WDR26: variants seen among roughly 807,000 people sequenced by gnomAD.
WDR26 encodes the protein WD repeat domain 26.
A neutral mutation model predicts 84.1 loss-of-function variants in WDR26; 5 were observed. The observed-to-expected ratio is 0.06, with a 90% CI of 0.03 to 0.13. WDR26 has a LOEUF of 0.13. Ranked by LOEUF, WDR26 falls within the 10% of genes least tolerant of loss-of-function variation. The pLI, the probability that WDR26 is intolerant of heterozygous loss-of-function variation, is 1.00. For missense variants in WDR26, 642 were observed against 974.9 expected, an observed-to-expected ratio of 0.66 and a Z score of 4.55; for synonymous variants, 415 against 389.6, an observed-to-expected ratio of 1.07 and a Z score of -0.77.
At chr1:224,407,172 A>ATATATATATATATATG (rs1491214480) in intron 7 of WDR26, among the ~76,000 whole-genome samples, 1 of 111,980 alleles carries the variant, frequency 8.9e-6, no homozygotes, top group African/African-American at 3.7e-5. Context: ...ATATATATAT[A>ATATATATATATATATG]ACTCAAAAAC....
chr1:224,430,335 A>C (rs1674356239), intron 3 of WDR26: 1 of 152,170 alleles, frequency 6.6e-6, no homozygotes, highest in Admixed American at 6.5e-5. Context: ...TTAATATTTT[A>C]AGTATTTAAT....
At position 224,386,674 on chromosome 1, in the gene WDR26, T is replaced by A. The variant is rs1009409524; in HGVS notation, c.*3161A>T. 2 of 152,360 alleles carry A rather than the reference T, an allele frequency of 1.3e-5. No individual in the cohort carries two copies. The highest frequency in any genetic ancestry group is 4.8e-5 in the African/African-American group (2 of 41,460). 9.4% of individuals were successfully genotyped at this position (152,360 alleles called of 1,614,324 possible). A position where few individuals can be genotyped will look rare whatever the true frequency, so the allele number is the denominator to read the frequency against. On this transcript the variant is annotated 3_prime_UTR_variant, in exon 14 of 14. Coordinates refer to ENST00000414423, the MANE Select transcript of WDR26 (RefSeq NM_001379403.1). The stretch of plus-strand genomic sequence containing the variant: ...CTGACAAAATTGGATTTTTTTCTCC[T>A]TTCAATTGCAGGATATTCTGATTAT...
intron 1 of WDR26, among the ~76,000 whole-genome samples, chr1:224,432,948 T>G (rs1028831710): frequency 6.6e-6 from 1 of 152,250 alleles, no homozygotes; most frequent in Non-Finnish European, 1.5e-5. Flanking sequence ...ACCTAAATTG[T>G]ATTTGAAAAC....
At chr1:224,400,290 G>GT (rs5781365) in intron 9 of WDR26, among the ~76,000 whole-genome samples, 141,990 of 146,688 alleles carry the variant, frequency 0.97, 68,807 homozygotes, top group East Asian at 1. Context: ...AAAATTCAGT[G>GT]TTTTTTTTTT....
chr1:224,400,079 T>C (rs2102892915), intron 9 of WDR26, among the ~76,000 whole-genome samples: 1 of 152,342 alleles, frequency 6.6e-6, no homozygotes, highest in Admixed American at 6.5e-5. Context: ...GAAAGTTTTA[T>C]GGCAAGGTAA....
intron 6 of WDR26, among the ~76,000 whole-genome samples, chr1:224,414,112 T>C (rs553298996): frequency 3.1e-4 from 46 of 150,572 alleles, no homozygotes; most frequent in African/African-American, 1.1e-3. Flanking sequence ...ACGCCCGGCC[T>C]GTTTTTTTTT....
At chr1:224,420,533 ACGACCTG>A (rs1444915966) in intron 4 of WDR26, among the ~76,000 whole-genome samples, 2 of 152,200 alleles carry the variant, frequency 1.3e-5, no homozygotes, top group Non-Finnish European at 2.9e-5. Context: ...TACTTAGTCT[ACGACCTG>A]CTATACCTCT....
chr1:224,392,694 T>C (rs1673160785), intron 13 of WDR26, among the ~76,000 whole-genome samples: 1 of 152,170 alleles, frequency 6.6e-6, no homozygotes, highest in Admixed American at 6.5e-5. Flanking sequence ...GTTCTCAAAC[T>C]TTTTGACTCG....
At position 224,389,357 on chromosome 1, in the gene WDR26, A is replaced by ATT. The variant is rs1673062756; in HGVS notation, c.*477_*478insAA. The ATT allele has an allele frequency of 3.9e-6, 1 of 257,956 alleles. No individual in the cohort carries two copies. The highest frequency in any genetic ancestry group is 7.2e-6 in the Non-Finnish European group (1 of 138,350). The allele number at this position is 257,956 out of a possible 1,614,324, so 16.0% of individuals were successfully genotyped here. A position where few individuals can be genotyped will look rare whatever the true frequency, so the allele number is the denominator to read the frequency against. Reference sequence around the variant, plus strand: ...AAAGATCTCAAGCTAAATAAGGCGGAAAGATTTGGAGAAACAAAAGAAGGA... The same window carrying ATT: ...AAAGATCTCAAGCTAAATAAGGCGGATTAAGATTTGGAGAAACAAAAGAAGGA... On this transcript the variant is annotated 3_prime_UTR_variant, in exon 14 of 14. Transcript: ENST00000414423.
chr1:224,425,843 T>C (rs922334128), intron 3 of WDR26, among the ~76,000 whole-genome samples: 1 of 152,160 alleles, frequency 6.6e-6, no homozygotes, highest in African/African-American at 2.4e-5. Flanking sequence ...GTACAATTTT[T>C]CTTCTTCGTA....
At chr1:224,403,662 C>T (rs762987552) in intron 8 of WDR26, among the ~76,000 whole-genome samples, 2 of 152,198 alleles carry the variant, frequency 1.3e-5, no homozygotes, top group African/African-American at 4.8e-5. Flanking sequence ...ATGGACCGGG[C>T]ACGGTGGCTC....
Position 224,387,791 on chromosome 1 carries a change from A to C in WDR26, c.*2044T>G, listed in dbSNP as rs1673022565. The C allele has an allele frequency of 6.6e-6, 1 of 152,640 alleles. No homozygotes were observed. Among genetic ancestry groups the C allele is most frequent in the East Asian group, 1.9e-4 (1 of 5,206 alleles). 9.5% of individuals were successfully genotyped at this position (152,640 alleles called of 1,614,324 possible). On this transcript the variant is annotated 3_prime_UTR_variant, in exon 14 of 14. Coordinates refer to ENST00000414423, the MANE Select transcript of WDR26 (RefSeq NM_001379403.1). ...AGGGTATACATGAATCACTTAAAAT[A>C]TGAATGGTTTTTAACTATACTGAGG...
Position 224,404,488 on chromosome 1 carries a change from T to C in WDR26, c.1541A>G (p.Asn514Ser), listed in dbSNP as rs750314023. 2 of 1,614,112 alleles carry C rather than the reference T, an allele frequency of 1.2e-6. No individual in the cohort carries two copies. Among genetic ancestry groups the C allele is most frequent in the Non-Finnish European group, 1.7e-6 (2 of 1,179,976 alleles). Residue 514 changes from asparagine (N) to serine (S), a missense_variant, in exon 8 of 14, where the codon AAC (asparagine) becomes AGC (serine). Around this residue, in one of 2 missense-constraint regions of WDR26, gnomAD observed 351 missense variants for 672.8 expected, o/e 0.52. Coordinates refer to ENST00000414423, the MANE Select transcript of WDR26 (RefSeq NM_001379403.1). ...ATCTGGGCCACAAGCAACAAGATAGTTGTCATCTGGACTCCATGCAATATA... is the reference window on the plus strand; with the variant it reads ...ATCTGGGCCACAAGCAACAAGATAGCTGTCATCTGGACTCCATGCAATATA...
chr1:224,421,575 G>A lies in WDR26; in HGVS notation c.1065-1960C>T, dbSNP rs181154270. On this transcript the variant is annotated intron_variant, in intron 4 of 13. Coordinates refer to ENST00000414423, the MANE Select transcript of WDR26 (RefSeq NM_001379403.1). ...ACTACACTGCAGCATGGATAATGGA[G>A]AGAGACTCTGTCTCAAAAAAAAAGG... Among the ~76,000 whole-genome samples the A allele has an allele frequency of 1.1e-4, 17 of 152,214 alleles. No homozygotes were observed. In the East Asian group the frequency reaches 2.3e-3, roughly 21 times the overall value.
At position 224,393,970 on chromosome 1, in the gene WDR26, A is replaced by C; in HGVS notation, c.2118T>G (p.Ile706Met). 1 of 1,545,746 alleles carries C rather than the reference A, an allele frequency of 6.5e-7. No homozygotes were observed. Reference sequence around the variant, plus strand: ...TACGTGTGTGCCCTGTCAGCTCCGCAATTGGCAGTTCACTACGTTTGTGCC... The same window carrying C: ...TACGTGTGTGCCCTGTCAGCTCCGCCATTGGCAGTTCACTACGTTTGTGCC... The change falls in exon 13 of 14, where the codon ATT becomes ATG. Residue 706 changes from isoleucine to methionine, a missense_variant. Ile to Met is a conservative substitution (Grantham distance 10). Coordinates refer to ENST00000414423, the MANE Select transcript of WDR26 (RefSeq NM_001379403.1).
At chr1:224,393,697 G>T in intron 13 of WDR26, 131 bp downstream of exon 13, 1 of 710,236 alleles carries the variant, frequency 1.4e-6, no homozygotes, top group Non-Finnish European at 2.1e-6. Context: ...CTGAGATAGG[G>T]TACAATATGT....
rs1478329242 is a variant in WDR26 at position 224,416,125 on chromosome 1, A to G, written c.1319+2135T>C. Among the ~76,000 whole-genome samples the G allele has an allele frequency of 2.0e-5, 3 of 152,164 alleles. No individual in the cohort carries two copies. The East Asian group carries it at 5.8e-4, about 29-fold the overall frequency. Reference sequence around the variant, plus strand: ...GAGAGGTAAGTAGGAGCATAGAGTGAAGGTTTTGTTTTAAGATTACAGAGA... The same window carrying G: ...GAGAGGTAAGTAGGAGCATAGAGTGGAGGTTTTGTTTTAAGATTACAGAGA... On this transcript the variant is annotated intron_variant, in intron 6 of 13. Transcript: ENST00000414423.
chr1:224,400,016 AT>A (rs1466257132), intron 9 of WDR26, among the ~76,000 whole-genome samples: 1 of 152,218 alleles, frequency 6.6e-6, no homozygotes, highest in Non-Finnish European at 1.5e-5. Flanking sequence ...TACTGGGACC[AT>A]GTGAGTCTGT....
At chr1:224,400,278 A>G (rs1182734031) in intron 9 of WDR26, among the ~76,000 whole-genome samples, 2 of 112,358 alleles carry the variant, frequency 1.8e-5, no homozygotes, top group Admixed American at 1.1e-4. Flanking sequence ...GAGTCTACTC[A>G]TAAAATTCAG....
Sources: allele counts gnomAD v4.1 joint callset (sites outside exome capture counted in the v4.1 genomes callset), GRCh38; gene constraint gnomAD v4.1.1; regional missense constraint gnomAD v4.1.1; transcripts MANE v1.5; gene names NCBI Gene and HGNC (gene_info 2026-07-23, HGNC 2026-07-21).